The following PRKCQ variants were observed in gnomAD, a reference collection of about 807,000 sequenced individuals.
PRKCQ encodes the protein protein kinase C theta.
PRKCQ carries 41 observed loss-of-function variants against 91.2 expected under a neutral mutation model. The observed-to-expected ratio is 0.45, with a 90% CI of 0.35 to 0.58. The LOEUF is 0.58. PRKCQ is among the 20% of genes least tolerant of loss of function. The pLI, the probability that PRKCQ is intolerant of heterozygous loss-of-function variation, is 0.00. For synonymous variants in PRKCQ, 307 were observed against 316.9 expected, an observed-to-expected ratio of 0.97 and a Z score of 0.33; for missense variants, 673 against 896.5, an observed-to-expected ratio of 0.75 and a Z score of 3.18.
intron 1 of PRKCQ, among the ~76,000 whole-genome samples, chr10:6,539,043 C>A (rs1033917033): frequency 2.0e-5 from 3 of 152,076 alleles, no homozygotes; most frequent in African/African-American, 4.8e-5. Flanking sequence ...GGATTACAGG[C>A]GTGATGAATT....
At chr10:6,573,800 T>C (rs1235437424) in intron 1 of PRKCQ, among the ~76,000 whole-genome samples, 2 of 152,228 alleles carry the variant, frequency 1.3e-5, no homozygotes, top group Admixed American at 6.5e-5. Context: ...GTTCTTGATA[T>C]CAGCTAACAC....
the PRKCQ span, among the ~76,000 whole-genome samples, chr10:6,402,701 A>G: frequency 0.97 from 148,444 of 152,326 alleles, 72,442 homozygotes; most frequent in East Asian, 1. Context: ...CTTGAGGTCA[A>G]GAGTTCGAGA....
At chr10:6,406,368 G>A in the PRKCQ span, among the ~76,000 whole-genome samples, 942 of 150,326 alleles carry the variant, frequency 6.3e-3, 5 homozygotes, top group Non-Finnish European at 9.5e-3. Context: ...AATGGGGCCC[G>A]TGTTCTTTTG....
chr10:6,408,336 G>A, the PRKCQ span, among the ~76,000 whole-genome samples: 10 of 152,134 alleles, frequency 6.6e-5, no homozygotes, highest in South Asian at 2.1e-3. Flanking sequence ...TTGATTGATG[G>A]ATTTAGTTTT....
At chr10:6,471,253 TGTATTATTTACATAGACAAG>T (rs1360148488) in intron 12 of PRKCQ, among the ~76,000 whole-genome samples, 1 of 152,210 alleles carries the variant, frequency 6.6e-6, no homozygotes, top group Non-Finnish European at 1.5e-5. Context: ...TATCAAGGAA[TGTATTATTTACATAGACAAG>T]GTATTATTTA....
At chr10:6,571,670 G>C (rs1271270052) in intron 1 of PRKCQ, among the ~76,000 whole-genome samples, 1 of 152,112 alleles carries the variant, frequency 6.6e-6, no homozygotes, top group East Asian at 1.9e-4. Context: ...ACCAGGTGTG[G>C]TGGTGCATGC....
At chr10:6,522,492 T>C (rs1216229962) in intron 1 of PRKCQ, among the ~76,000 whole-genome samples, 1 of 152,182 alleles carries the variant, frequency 6.6e-6, no homozygotes, top group African/African-American at 2.4e-5. Context: ...CCAGAATGCG[T>C]TTATAGAGAT....
chr10:6,566,445 C>T (rs1012627895), intron 1 of PRKCQ, among the ~76,000 whole-genome samples: 8 of 152,104 alleles, frequency 5.3e-5, no homozygotes, highest in African/African-American at 1.7e-4. Flanking sequence ...ACAAAATATT[C>T]GAATCAGGGG....
At chr10:6,396,154 C>A in the PRKCQ span, among the ~76,000 whole-genome samples, 1,490 of 152,154 alleles carry the variant, frequency 9.8e-3, 28 homozygotes, top group African/African-American at 0.034. Context: ...AAAAAGTCAC[C>A]CCTAAGTACT....
chr10:6,482,462 C>G (rs1416268363), intron 11 of PRKCQ, among the ~76,000 whole-genome samples: 4 of 152,054 alleles, frequency 2.6e-5, no homozygotes, highest in Non-Finnish European at 4.4e-5. Flanking sequence ...CAGACATGCA[C>G]AGGAGGAAGA....
At chr10:6,557,390 A>G (rs1018150434) in intron 1 of PRKCQ, among the ~76,000 whole-genome samples, 1 of 152,092 alleles carries the variant, frequency 6.6e-6, no homozygotes, top group African/African-American at 2.4e-5. Context: ...ACTCTGTACT[A>G]TCAATTGTAT....
At position 6,526,385 on chromosome 10, in the gene PRKCQ, A is replaced by G. The variant is rs1222445290; in HGVS notation, c.-9-11241T>C. On this transcript the variant is annotated intron_variant, in intron 1 of 17. Transcript: ENST00000263125. ...AAACCCATCCTTTGTGCAGAGGTCCAGATGCACGAGACAGACAAGAAAGCA... is the reference window on the plus strand; with the variant it reads ...AAACCCATCCTTTGTGCAGAGGTCCGGATGCACGAGACAGACAAGAAAGCA... Among the ~76,000 whole-genome samples, 5 of 152,316 alleles carry G rather than the reference A, an allele frequency of 3.3e-5. No homozygotes were observed. In the East Asian group the frequency reaches 9.7e-4, roughly 29 times the overall value.
intron 1 of PRKCQ, among the ~76,000 whole-genome samples, chr10:6,536,187 TC>T (rs1293614323): frequency 6.6e-6 from 1 of 151,946 alleles, no homozygotes; most frequent in Non-Finnish European, 1.5e-5. Flanking sequence ...ATGGCTCTAA[TC>T]CCCCACCTGC....
intron 1 of PRKCQ, among the ~76,000 whole-genome samples, chr10:6,526,687 G>C (rs1172518053): frequency 6.6e-6 from 1 of 152,214 alleles, no homozygotes; most frequent in African/African-American, 2.4e-5. Context: ...AAGGGGTAGA[G>C]AAGACAGACG....
At chr10:6,410,377 G>T in the PRKCQ span, among the ~76,000 whole-genome samples, 1 of 152,218 alleles carries the variant, frequency 6.6e-6, no homozygotes, top group Non-Finnish European at 1.5e-5. Context: ...AATTGGAAGT[G>T]CCAGAGATCA....
intron 1 of PRKCQ, among the ~76,000 whole-genome samples, chr10:6,548,746 G>A (rs1431085300): frequency 9.3e-6 from 1 of 108,014 alleles, no homozygotes; most frequent in Non-Finnish European, 1.8e-5. Context: ...GGTGGGGGGA[G>A]GGGGGAGGGA....
intron 15 of PRKCQ, among the ~76,000 whole-genome samples, chr10:6,449,570 G>A (rs1834530767): frequency 6.6e-6 from 1 of 151,722 alleles, no homozygotes; most frequent in African/African-American, 2.4e-5. Flanking sequence ...TCAGATTCAG[G>A]AAATACAGAG....
chr10:6,497,330 T>A lies in PRKCQ; in HGVS notation c.543-79A>T, dbSNP rs564266886. The A allele has an allele frequency of 8.6e-6, 13 of 1,516,178 alleles. No individual in the cohort carries two copies. Among genetic ancestry groups the A allele is most frequent in the Non-Finnish European group, 1.2e-5 (13 of 1,092,272 alleles). The allele number at this position is 1,516,178 out of a possible 1,614,324, so 93.9% of individuals were successfully genotyped here. ...AACAGCATTTAAGAGATGGATGAGA[T>A]CTCATAACCCCCTAAGATCACAGAG... On this transcript the variant is annotated intron_variant, in intron 5 of 17. Transcript: ENST00000263125. The surrounding 1 kb of genome is among the most constrained non-coding windows in gnomAD (Gnocchi z 4.5).
chr10:6,467,311 G>C (rs951016030), intron 12 of PRKCQ, among the ~76,000 whole-genome samples: 6 of 136,296 alleles, frequency 4.4e-5, no homozygotes, highest in Admixed American at 7.4e-5. Flanking sequence ...GAGAGAGAGA[G>C]AGAGAGAGAC....
Sources: allele counts gnomAD v4.1 joint callset (sites outside exome capture counted in the v4.1 genomes callset), GRCh38; gene constraint gnomAD v4.1.1; non-coding constraint Gnocchi (gnomAD v3.1); transcripts MANE v1.5; gene names NCBI Gene and HGNC (gene_info 2026-07-23, HGNC 2026-07-21).